Variants in NDUFA10 observed in about 807,000 individuals in gnomAD.
NDUFA10 encodes the protein NADH:ubiquinone oxidoreductase subunit A10.
A neutral mutation model predicts 47.8 loss-of-function variants in NDUFA10; 40 were observed. The ratio of observed to expected loss-of-function variants is 0.84; its 90% CI spans 0.65 to 1.09. The LOEUF (loss-of-function observed/expected upper bound fraction) is 1.09, where lower values mean the gene tolerates loss of function less well. Among genes scored for constraint, NDUFA10 ranks in the 50% least tolerant of loss-of-function variants. The probability of loss-of-function intolerance (pLI) is 0.00; values close to 1 mark genes in which losing one functional copy is unlikely to be tolerated. For missense variants in NDUFA10, 413 were observed against 451.1 expected (o/e 0.92, Z 0.76); for synonymous variants, 183 against 172.2 (o/e 1.06, Z -0.49).
intron 9 of NDUFA10, among the ~76,000 whole-genome samples, chr2:239,984,465 C>T (rs74619748): frequency 0.018 from 2,768 of 152,226 alleles, 87 homozygotes; most frequent in African/African-American, 0.062. Flanking sequence ...CATTTAAATA[C>T]GATTCAAAAT....
intron 4 of NDUFA10, among the ~76,000 whole-genome samples, chr2:239,912,230 A>G (rs11686510): frequency 0.18 from 27,639 of 152,118 alleles, 2,837 homozygotes; most frequent in African/African-American, 0.27. Context: ...CCCTGGCTCC[A>G]TAGAATAAGG....
At chr2:239,937,731 A>T (rs1694288726) in intron 4 of NDUFA10, among the ~76,000 whole-genome samples, 1 of 152,186 alleles carries the variant, frequency 6.6e-6, no homozygotes, top group Admixed American at 6.5e-5. Context: ...TTTTTTGAGG[A>T]ACCACCAAGC....
chr2:239,984,031 G>C (rs1695901761), intron 9 of NDUFA10, among the ~76,000 whole-genome samples: 1 of 152,126 alleles, frequency 6.6e-6, no homozygotes, highest in Non-Finnish European at 1.5e-5. Context: ...TCAGGAGTTT[G>C]AGACCAGCCT....
chr2:239,926,864 A>C (rs1025174374), intron 4 of NDUFA10, among the ~76,000 whole-genome samples: 8 of 152,200 alleles, frequency 5.3e-5, no homozygotes, highest in Non-Finnish European at 1.2e-4. Context: ...ACAGTTCCAC[A>C]TGGCTGGGGA....
At chr2:239,951,134 C>A (rs1238396002) in intron 4 of NDUFA10, among the ~76,000 whole-genome samples, 1 of 152,254 alleles carries the variant, frequency 6.6e-6, no homozygotes, top group East Asian at 1.9e-4. Context: ...TGGATTTTCA[C>A]TGGGGCTCTG....
intron 4 of NDUFA10, among the ~76,000 whole-genome samples, chr2:239,919,183 C>T (rs981539955): frequency 6.6e-6 from 1 of 152,188 alleles, no homozygotes. Flanking sequence ...ACCATGTGGA[C>T]CTTCGGTGGC....
intron 4 of NDUFA10, among the ~76,000 whole-genome samples, chr2:239,905,164 G>A (rs752017361): frequency 5.3e-5 from 8 of 152,196 alleles, no homozygotes; most frequent in Non-Finnish European, 1.0e-4. Flanking sequence ...CCAGGGGGTT[G>A]AACGCAATGT....
intron 4 of NDUFA10, among the ~76,000 whole-genome samples, chr2:239,904,608 T>C (rs555868427): frequency 6.6e-6 from 1 of 152,208 alleles, no homozygotes; most frequent in Non-Finnish European, 1.5e-5. Context: ...GCTTTCTTCT[T>C]GTTGAGAAGG....
chr2:240,021,175 T>TAACTGCCCAGAAATACTGCA (rs769026584), intron 3 of NDUFA10, 22 bp downstream of exon 3: 1 of 1,600,342 alleles, frequency 6.2e-7, no homozygotes, highest in African/African-American at 1.3e-5. Context: ...AGAACAGATC[T>TAACTGCCCAGAAATACTGCA]AACTGCCCAG....
At chr2:240,022,434 T>G (rs1697662029) in intron 1 of NDUFA10, 94 bp from the exon 2 acceptor site, 1 of 1,570,802 alleles carries the variant, frequency 6.4e-7, no homozygotes, top group Non-Finnish European at 8.7e-7. Context: ...AGAAACCTCT[T>G]AGTGATAAAA....
At chr2:239,968,071 TGA>T (rs568853391) in intron 9 of NDUFA10, among the ~76,000 whole-genome samples, 22 of 152,036 alleles carry the variant, frequency 1.4e-4, no homozygotes, top group Non-Finnish European at 3.2e-4. Context: ...CTAACTACTT[TGA>T]GAGAGATGAA....
At chr2:240,017,446 C>T (rs1043928054) in intron 4 of NDUFA10, among the ~76,000 whole-genome samples, 2 of 152,186 alleles carry the variant, frequency 1.3e-5, no homozygotes, top group African/African-American at 2.4e-5. Context: ...ATCTCCCAGC[C>T]GGTTACACAT....
rs745616036 is a variant in NDUFA10 at position 239,960,449 on chromosome 2, T to C, written c.*669A>G. 2.2e-5 allele frequency: 22 copies of C among 988,774 alleles called. No homozygotes were observed. The African/African-American group carries it at 3.1e-4, about 14-fold the overall frequency. 61.3% of individuals were successfully genotyped at this position (988,774 alleles called of 1,614,324 possible). The stretch of plus-strand genomic sequence containing the variant: ...AGCTCAAATCTCCCTTCAAAGGAGT[T>C]TGAGACGCTGAGGACGGCCACGTGA... On this transcript the variant is annotated 3_prime_UTR_variant, in exon 10 of 10. Coordinates refer to ENST00000252711, the MANE Select transcript of NDUFA10 (RefSeq NM_004544.4).
chr2:240,005,221 G>A lies in NDUFA10; in HGVS notation c.879C>T (p.His293=), dbSNP rs776907515. ...ACAGATGCACTTACAGTAATCGCAGGTGGTATAAAGTGCGATTGTCCTGCT... is the reference window on the plus strand; with the variant it reads ...ACAGATGCACTTACAGTAATCGCAGATGGTATAAAGTGCGATTGTCCTGCT... ...WLKQDNRTLY[H]LRLLVQDKFE... The change falls in exon 8 of 10, where the codon CAC becomes CAT. Residue 293 remains histidine (H), a synonymous_variant. Coordinates refer to ENST00000252711, the MANE Select transcript of NDUFA10 (RefSeq NM_004544.4). 2 of 1,613,718 alleles carry A rather than the reference G, an allele frequency of 1.2e-6. No homozygotes were observed. Among genetic ancestry groups the A allele is most frequent in the Non-Finnish European group, 1.7e-6 (2 of 1,179,662 alleles).
At chr2:239,963,618 G>T (rs1694944608) in intron 9 of NDUFA10, among the ~76,000 whole-genome samples, 1 of 152,234 alleles carries the variant, frequency 6.6e-6, no homozygotes, top group Non-Finnish European at 1.5e-5. Flanking sequence ...TGTCCGGTCT[G>T]CTTATAGAAT....
Position 240,025,266 on chromosome 2 carries a change from G to A in NDUFA10, c.36C>T (p.Ser12=). ...CCGCCGCCACGACCCGGGCGGACGC[G>A]GACGTCGCTGCCAGCTTCAGGAGCC... ...ALRLLKLAAT[S]ASARVVAAGA... Residue 12 remains serine, a synonymous_variant, in exon 1 of 10, where the codon TCC becomes TCT. Coordinates refer to ENST00000252711, the MANE Select transcript of NDUFA10 (RefSeq NM_004544.4). 8.7e-6 allele frequency: 13 copies of A among 1,501,200 alleles called. No homozygotes were observed. The highest frequency in any genetic ancestry group is 1.1e-5 in the Non-Finnish European group (12 of 1,129,252). The allele number at this position is 1,501,200 out of a possible 1,614,324, so 93.0% of individuals were successfully genotyped here. A position where few individuals can be genotyped will look rare whatever the true frequency, so the allele number is the denominator to read the frequency against.
At chr2:239,900,520 T>A (rs926391971) in intron 4 of NDUFA10, among the ~76,000 whole-genome samples, 1 of 151,728 alleles carries the variant, frequency 6.6e-6, no homozygotes, top group Non-Finnish European at 1.5e-5. Context: ...TCCCCTGCTA[T>A]AGCAAGCTCT....
At chr2:239,975,209 G>A (rs992016158) in intron 9 of NDUFA10, among the ~76,000 whole-genome samples, 3 of 152,246 alleles carry the variant, frequency 2.0e-5, no homozygotes, top group Non-Finnish European at 4.4e-5. Flanking sequence ...TTATTAGGAT[G>A]TACCTGCTTC....
chr2:239,900,925 GA>G (rs1039999020), intron 4 of NDUFA10, among the ~76,000 whole-genome samples: 3 of 152,256 alleles, frequency 2.0e-5, no homozygotes, highest in Non-Finnish European at 2.9e-5. Context: ...TGCTGATGGA[GA>G]CGCTGCAGCA....
Sources: gnomAD v4.1 joint callset for allele counts (sites outside exome capture counted in the v4.1 genomes callset) on GRCh38, gnomAD v4.1.1 for gene constraint, MANE v1.5 for transcripts, NCBI Gene and HGNC (gene_info 2026-07-23, HGNC 2026-07-21) for gene names.